TBC1D8: variants seen among roughly 807,000 people sequenced by gnomAD.
TBC1D8 encodes the protein BUB2-like protein 1.
Under a neutral mutation model 118.8 loss-of-function variants are expected in TBC1D8, and 65 were observed. The observed-to-expected ratio is 0.55, with a 90% CI of 0.45 to 0.67. The LOEUF is 0.67. TBC1D8 is among the 30% of genes least tolerant of loss of function. The pLI is 0.00. For synonymous variants in TBC1D8, 566 were observed against 595.8 expected, an observed-to-expected ratio of 0.95 and a Z score of 0.73; for missense variants, 1,376 against 1,471.2, an observed-to-expected ratio of 0.94 and a Z score of 1.06.
At chr2:101,020,103 G>C (rs566040288) in intron 17 of TBC1D8, among the ~76,000 whole-genome samples, 260 of 148,658 alleles carry the variant, frequency 1.7e-3, no homozygotes, top group Middle Eastern at 3.5e-3. Flanking sequence ...GTTAGATGAA[G>C]AATCAAAAAT....
chr2:101,009,595 A>G (rs1679036123), intron 19 of TBC1D8, among the ~76,000 whole-genome samples: 1 of 152,066 alleles, frequency 6.6e-6, no homozygotes, highest in Admixed American at 6.5e-5. Flanking sequence ...TGAGTGATGA[A>G]GTTTAACTCA....
intron 1 of TBC1D8, among the ~76,000 whole-genome samples, chr2:101,091,391 T>G (rs185529181): frequency 9.2e-5 from 14 of 151,892 alleles, no homozygotes; most frequent in Admixed American, 9.2e-4. Context: ...GCATCAGAAA[T>G]CAATGGCAGG....
chr2:101,012,449 A>G (rs1011985108), intron 17 of TBC1D8, among the ~76,000 whole-genome samples: 3 of 152,252 alleles, frequency 2.0e-5, no homozygotes, highest in South Asian at 2.1e-4. Context: ...AACATGATAC[A>G]GCAACTCCAT....
At chr2:101,038,342 C>T (rs1681158946) in intron 7 of TBC1D8, 119 bp downstream of exon 7, 27 of 1,174,202 alleles carry the variant, frequency 2.3e-5, no homozygotes, top group Non-Finnish European at 3.3e-5. Context: ...TGACAGCAGA[C>T]CACACACAGG....
At chr2:101,131,776 C>A (rs1395744094) in intron 1 of TBC1D8, among the ~76,000 whole-genome samples, 3 of 151,904 alleles carry the variant, frequency 2.0e-5, no homozygotes, top group Middle Eastern at 3.4e-3. Context: ...GATCGTGACA[C>A]GACACTCCAG....
chr2:101,050,672 T>G, intron 4 of TBC1D8, 31 bp from the exon 5 acceptor site: 2 of 1,599,596 alleles, frequency 1.3e-6, no homozygotes, highest in Non-Finnish European at 1.7e-6. Context: ...ATACCTATTA[T>G]GCCATGAAAT....
At chr2:101,084,476 G>A (rs954756334) in intron 2 of TBC1D8, among the ~76,000 whole-genome samples, 4 of 152,144 alleles carry the variant, frequency 2.6e-5, no homozygotes, top group Admixed American at 2.0e-4. Flanking sequence ...GCTTGAACCC[G>A]GGAGGTGGAG....
intron 10 of TBC1D8, 111 bp downstream of exon 10, chr2:101,033,433 C>T (rs1680793980): frequency 1.5e-6 from 2 of 1,334,618 alleles, no homozygotes; most frequent in Admixed American, 1.9e-5. Flanking sequence ...ACAGCGCCTT[C>T]ACACGACAAC....
chr2:101,069,611 C>A (rs192760988), intron 2 of TBC1D8, among the ~76,000 whole-genome samples: 139 of 152,016 alleles, frequency 9.1e-4, no homozygotes, highest in African/African-American at 3.2e-3. Flanking sequence ...ACAAAACAAA[C>A]CAATAACTAG....
At chr2:101,060,075 G>A (rs1164988394) in intron 2 of TBC1D8, among the ~76,000 whole-genome samples, 1 of 152,238 alleles carries the variant, frequency 6.6e-6, no homozygotes, top group Non-Finnish European at 1.5e-5. Context: ...CCACAAAGAT[G>A]GGCCAGGTGG....
At chr2:101,107,436 C>T (rs1023711499) in intron 1 of TBC1D8, among the ~76,000 whole-genome samples, 3 of 151,296 alleles carry the variant, frequency 2.0e-5, no homozygotes, top group African/African-American at 7.3e-5. Context: ...TGGCTGAGGG[C>T]CCAGACAGAA....
At chr2:101,030,840 C>A (rs947024980) in intron 11 of TBC1D8, among the ~76,000 whole-genome samples, 1 of 152,270 alleles carries the variant, frequency 6.6e-6, no homozygotes, top group African/African-American at 2.4e-5. Flanking sequence ...AACAATGTGG[C>A]TGCCTCTTAC....
chr2:101,018,375 C>CCAAT (rs1679813250), intron 17 of TBC1D8: 1 of 157,362 alleles, frequency 6.4e-6, no homozygotes, highest in Non-Finnish European at 1.4e-5. Context: ...TTTTAAAAAG[C>CCAAT]CAATAATTAC....
intron 2 of TBC1D8, among the ~76,000 whole-genome samples, chr2:101,070,269 G>A (rs1011271032): frequency 6.6e-6 from 1 of 151,648 alleles, no homozygotes; most frequent in Admixed American, 6.6e-5. Flanking sequence ...CTTACATAAA[G>A]TTCATGTTGG....
intron 1 of TBC1D8, among the ~76,000 whole-genome samples, chr2:101,137,534 G>T (rs919203819): frequency 6.6e-6 from 1 of 151,040 alleles, no homozygotes; most frequent in Admixed American, 6.6e-5. Flanking sequence ...GGATGGTCTC[G>T]ATCTCCTGAC....
chr2:101,112,601 T>C (rs1021631110), intron 1 of TBC1D8, among the ~76,000 whole-genome samples: 1 of 152,220 alleles, frequency 6.6e-6, no homozygotes, highest in Non-Finnish European at 1.5e-5. Flanking sequence ...AATCCAGGAC[T>C]ATCCACAGCT....
At chr2:101,053,515 G>T (rs1453978868) in intron 4 of TBC1D8, among the ~76,000 whole-genome samples, 1 of 152,204 alleles carries the variant, frequency 6.6e-6, no homozygotes. Flanking sequence ...ACAATATTTG[G>T]TTCTGGAAGA....
rs543680787 is a variant in TBC1D8, at chr2:101,066,944, C to CAA, written c.284-7407_284-7406dup. Among the ~76,000 whole-genome samples the CAA allele has an allele frequency of 5.2e-5, 6 of 114,912 alleles. No homozygotes were observed. In the South Asian group the frequency reaches 8.5e-4, roughly 16 times the overall value. 75.4% of individuals were successfully genotyped at this position (114,912 alleles called of 152,430 possible). On this transcript the variant is annotated intron_variant, in intron 2 of 19. Transcript: ENST00000409318. ...CCTGGGCGACAGAGCGAGAGTATCC[C>CAA]AAAAAAAAAAAAAAAAAAAAAAAAA...
intron 15 of TBC1D8, among the ~76,000 whole-genome samples, chr2:101,026,051 T>A (rs992569046): frequency 2.6e-5 from 4 of 152,228 alleles, no homozygotes; most frequent in East Asian, 1.9e-4. Context: ...AGGCCTTTTT[T>A]AATCTTTCCT....
Sources: allele counts gnomAD v4.1 joint callset (sites outside exome capture counted in the v4.1 genomes callset), GRCh38; gene constraint gnomAD v4.1.1; transcripts MANE v1.5; gene names NCBI Gene and HGNC (gene_info 2026-07-23, HGNC 2026-07-21).